RBM27: variants seen among roughly 807,000 people sequenced by gnomAD.
RBM27 encodes the protein RNA binding motif protein 27, also known as RNA-binding protein 27.
In RBM27, 22 loss-of-function variants were observed where a neutral mutation model predicts 135.3. The observed-to-expected ratio is 0.16, with a 90% confidence interval of 0.12 to 0.23. The LOEUF (loss-of-function observed/expected upper bound fraction) is 0.23. Ranked by LOEUF, RBM27 falls within the 10% of genes least tolerant of loss-of-function variation. The probability of loss-of-function intolerance (pLI) is 1.00; values close to 1 mark genes in which losing one functional copy is unlikely to be tolerated. For missense variants in RBM27, 1,009 were observed against 1,281.0 expected (o/e 0.79, Z 3.24); for synonymous variants, 481 against 442.4 (o/e 1.09, Z -1.10).
rs1245714537 is a variant in RBM27, at chr5:146,233,734, C to T, written c.1135C>T (p.Pro379Ser). The T allele has an allele frequency of 7.0e-7, 1 of 1,424,184 alleles. No homozygotes were observed. Among genetic ancestry groups the T allele is most frequent in the African/African-American group, 1.4e-5 (1 of 69,256 alleles). 88.2% of individuals were successfully genotyped at this position (1,424,184 alleles called of 1,614,324 possible). The change falls in exon 7 of 21, where the codon CCC becomes TCC. Residue 379 changes from proline (P) to serine (S), a missense_variant. Physicochemically the swap from Pro to Ser is moderately conservative, Grantham distance 74. This residue lies in a region of RBM27 where 329 missense variants were observed against 368.1 expected (regional missense o/e 0.89). Transcript: ENST00000265271. The part of the protein sequence containing the change: ...HGQPPPSVVL[P>S]IPRPPITQSS... ...TCAGCCTCCACCATCCGTTGTGCTTCCCATACCAAGTAAGTATATATTTGT... is the reference window on the plus strand; with the variant it reads ...TCAGCCTCCACCATCCGTTGTGCTTTCCATACCAAGTAAGTATATATTTGT...
chr5:146,210,961 GAAA>G (rs956658407), intron 1 of RBM27, among the ~76,000 whole-genome samples: 2 of 146,578 alleles, frequency 1.4e-5, no homozygotes, highest in Non-Finnish European at 3.0e-5. Context: ...AAAAAAAAAA[GAAA>G]AATTCTGTTT....
intron 8 of RBM27, among the ~76,000 whole-genome samples, chr5:146,244,589 T>C (rs1199716948): frequency 6.8e-6 from 1 of 146,832 alleles, no homozygotes; most frequent in Non-Finnish European, 1.5e-5. Flanking sequence ...CTGCCCAGAC[T>C]GGAGTATGGT....
chr5:146,267,646 TAG>T lies in RBM27; in HGVS notation c.2332-1_2332del. On this transcript the variant is annotated splice_acceptor_variant, in intron 14 of 20. Transcript: ENST00000265271. LOFTEE classifies it high-confidence loss of function. ...GTGCTTTTTTTTTTTCTTTATTTTT[TAG>T]ATATTTTCAACTCCAGGCCATCCAA... 1 of 1,521,900 alleles carries T rather than the reference TAG, an allele frequency of 6.6e-7. No individual in the cohort carries two copies. The highest frequency in any genetic ancestry group is 8.9e-7 in the Non-Finnish European group (1 of 1,121,360). 94.3% of individuals were successfully genotyped at this position (1,521,900 alleles called of 1,614,324 possible).
chr5:146,277,177 T>G (rs534895340), intron 19 of RBM27, among the ~76,000 whole-genome samples: 90 of 152,324 alleles, frequency 5.9e-4, no homozygotes, highest in Middle Eastern at 3.4e-3. Context: ...TTTTAGAACA[T>G]TCAAACAATA....
Position 146,228,860 on chromosome 5 carries a change from A to G in RBM27, c.304-86A>G, listed in dbSNP as rs1029993508. ...TATCCTGGCCTCAAGCAGTCTTCCCACCTGGACCTCGTAAAATGTTGGGAT... is the reference window on the plus strand; with the variant it reads ...TATCCTGGCCTCAAGCAGTCTTCCCGCCTGGACCTCGTAAAATGTTGGGAT... On this transcript the variant is annotated intron_variant, in intron 3 of 20. Coordinates refer to ENST00000265271, the MANE Select transcript of RBM27 (RefSeq NM_018989.2). 7 of 1,044,882 alleles carry G rather than the reference A, an allele frequency of 6.7e-6. No individual in the cohort carries two copies. The Admixed American group carries it at 1.4e-4, about 20-fold the overall frequency. The allele number at this position is 1,044,882 out of a possible 1,614,324, so 64.7% of individuals were successfully genotyped here. A position where few individuals can be genotyped will look rare whatever the true frequency, so the allele number is the denominator to read the frequency against.
At chr5:146,231,487 A>T (rs1426215689) in intron 6 of RBM27, among the ~76,000 whole-genome samples, 1 of 152,046 alleles carries the variant, frequency 6.6e-6, no homozygotes, top group African/African-American at 2.4e-5. Flanking sequence ...TTAAGAGAAT[A>T]TTTAAATTTT....
intron 16 of RBM27, 58 bp from the exon 17 acceptor site, chr5:146,269,362 A>G: frequency 2.0e-6 from 3 of 1,476,212 alleles, no homozygotes; most frequent in Non-Finnish European, 2.7e-6. Context: ...ATTTTTAAAG[A>G]CTTCTTTATA....
At chr5:146,262,014 T>A (rs1758422092) in intron 13 of RBM27, among the ~76,000 whole-genome samples, 1 of 152,174 alleles carries the variant, frequency 6.6e-6, no homozygotes, top group African/African-American at 2.4e-5. Flanking sequence ...TCCTACTGAA[T>A]CAGAATCCCT....
At chr5:146,282,441 G>C (rs1267287254) in intron 19 of RBM27, among the ~76,000 whole-genome samples, 4 of 152,152 alleles carry the variant, frequency 2.6e-5, no homozygotes, top group Non-Finnish European at 5.9e-5. Flanking sequence ...CTTCATATGT[G>C]TGGGTTTCAC....
intron 1 of RBM27, among the ~76,000 whole-genome samples, chr5:146,213,762 A>G (rs1756074732): frequency 6.6e-6 from 1 of 152,184 alleles, no homozygotes; most frequent in Non-Finnish European, 1.5e-5. Context: ...TGCAATAGAG[A>G]TTTCATTAAA....
chr5:146,239,831 G>A (rs908214526), intron 8 of RBM27, among the ~76,000 whole-genome samples: 1 of 142,676 alleles, frequency 7.0e-6, no homozygotes, highest in Non-Finnish European at 1.5e-5. Flanking sequence ...AGGCTGAAGT[G>A]TGGTGGTGCC....
At position 146,287,584 on chromosome 5, in the gene RBM27, A is replaced by T. The variant is rs1759635219; in HGVS notation, c.*1554A>T. 6.6e-6 allele frequency: 1 copy of T among 152,164 alleles called. No homozygotes were observed. The highest frequency in any genetic ancestry group is 2.4e-5 in the African/African-American group (1 of 41,448). The allele number at this position is 152,164 out of a possible 1,614,324, so 9.4% of individuals were successfully genotyped here. A position where few individuals can be genotyped will look rare whatever the true frequency, so the allele number is the denominator to read the frequency against. ...TTTGCTGAGGTAAAGACAATTTCTC[A>T]ATATAGAAACTATTCACTAAGAACT... On this transcript the variant is annotated 3_prime_UTR_variant, in exon 21 of 21. Coordinates refer to ENST00000265271, the MANE Select transcript of RBM27 (RefSeq NM_018989.2).
At chr5:146,285,826 A>G in intron 20 of RBM27, 121 bp from the exon 21 acceptor site, 1 of 657,208 alleles carries the variant, frequency 1.5e-6, no homozygotes, top group Non-Finnish European at 2.6e-6. Flanking sequence ...ATACTCTTGC[A>G]TGCATCCCTT....
At chr5:146,278,715 A>G (rs1019236546) in intron 19 of RBM27, among the ~76,000 whole-genome samples, 2 of 150,072 alleles carry the variant, frequency 1.3e-5, no homozygotes, top group African/African-American at 4.9e-5. Flanking sequence ...TGGACATCCA[A>G]TTTTTTCCCA....
intron 1 of RBM27, among the ~76,000 whole-genome samples, chr5:146,212,983 AATAAAT>A (rs1756032139): frequency 6.6e-6 from 1 of 152,200 alleles, no homozygotes; most frequent in African/African-American, 2.4e-5. Flanking sequence ...GTTTTTATTT[AATAAAT>A]ATATTTTGTG....
Position 146,251,749 on chromosome 5 carries a change from T to C in RBM27, c.1318T>C (p.Ser440Pro). Residue 440 changes from serine to proline, a missense_variant, in exon 9 of 21, where the codon TCT becomes CCT. Ser to Pro is a moderately conservative substitution (Grantham distance 74). Coordinates refer to ENST00000265271, the MANE Select transcript of RBM27 (RefSeq NM_018989.2). ...CTCTCGTGAACATGGTGCTGCTGCA[T>C]CTGAGCGACTTCAGTTGGGGACACC... ...MYSREHGAAA[S>P]ERLQLGTPPP... 6.2e-7 allele frequency: 1 copy of C among 1,613,182 alleles called. No homozygotes were observed.
intron 10 of RBM27, 30 bp downstream of exon 10, chr5:146,255,122 TA>T: frequency 1.3e-6 from 2 of 1,586,474 alleles, no homozygotes; most frequent in Non-Finnish European, 1.7e-6. Flanking sequence ...TTTCTGATGC[TA>T]AGTGTTATGC....
chr5:146,205,770 C>T (rs972929942), intron 1 of RBM27, among the ~76,000 whole-genome samples: 3 of 152,004 alleles, frequency 2.0e-5, no homozygotes, highest in Admixed American at 2.0e-4. Context: ...CCTGTAATCC[C>T]GACACTTTGG....
intron 1 of RBM27, among the ~76,000 whole-genome samples, chr5:146,204,258 C>T (rs970323560): frequency 1.3e-5 from 2 of 152,002 alleles, no homozygotes; most frequent in African/African-American, 4.8e-5. Context: ...ACTGAAAGGT[C>T]TAGAAGCAAA....
Sources: allele counts gnomAD v4.1 joint callset (sites outside exome capture counted in the v4.1 genomes callset), GRCh38; gene constraint gnomAD v4.1.1; regional missense constraint gnomAD v4.1.1; transcripts MANE v1.5; gene names NCBI Gene and HGNC (gene_info 2026-07-23, HGNC 2026-07-21).